The following AUTS2 variants were observed in gnomAD, a reference collection of about 807,000 sequenced individuals.
The protein encoded by AUTS2 is autism susceptibility gene 2 protein.
AUTS2 carries 17 observed loss-of-function variants against 112.4 expected under a neutral mutation model. The observed-to-expected ratio is 0.15, with a 90% CI of 0.10 to 0.23. The LOEUF (loss-of-function observed/expected upper bound fraction) is 0.23, where lower values mean the gene tolerates loss of function less well. Among genes scored for constraint, AUTS2 ranks in the 10% least tolerant of loss-of-function variants. The pLI is 1.00. For synonymous variants in AUTS2, 751 were observed against 702.7 expected (o/e 1.07, Z -1.09); for missense variants, 1,510 against 1,701.6 (o/e 0.89, Z 1.98).
intron 2 of AUTS2, among the ~76,000 whole-genome samples, chr7:69,957,050 CT>C (rs759318185): frequency 1.8e-3 from 244 of 132,308 alleles, no homozygotes; most frequent in Middle Eastern, 7.7e-3. Context: ...TTTGTTCTTT[CT>C]TTTTTTTTTT....
intron 1 of AUTS2, among the ~76,000 whole-genome samples, chr7:69,718,998 C>G (rs751374967): frequency 6.6e-6 from 1 of 152,188 alleles, no homozygotes; most frequent in Non-Finnish European, 1.5e-5. Context: ...TTAGCCAGCC[C>G]GCCCGCAGGG....
At chr7:70,572,904 G>T (rs1204397969) in intron 5 of AUTS2, among the ~76,000 whole-genome samples, 1 of 152,176 alleles carries the variant, frequency 6.6e-6, no homozygotes, top group African/African-American at 2.4e-5. Flanking sequence ...TGAAAAGAAA[G>T]GTTAAAGAGG....
intron 6 of AUTS2, among the ~76,000 whole-genome samples, chr7:70,724,443 CTTTTTT>C (rs71077675): frequency 2.0e-5 from 2 of 101,386 alleles, no homozygotes; most frequent in African/African-American, 6.9e-5. Context: ...TTCATCCTGA[CTTTTTT>C]TTTTTTTTTT....
chr7:69,621,401 ACTTTAT>A (rs1334699752), intron 1 of AUTS2, among the ~76,000 whole-genome samples: 2 of 84,340 alleles, frequency 2.4e-5, no homozygotes, highest in South Asian at 4.1e-4. Flanking sequence ...ACTCGCCTCC[ACTTTAT>A]CTTTGGATGT....
intron 8 of AUTS2, among the ~76,000 whole-genome samples, chr7:70,765,843 G>A (rs565604297): frequency 3.9e-5 from 6 of 152,174 alleles, no homozygotes; most frequent in Non-Finnish European, 5.9e-5. Flanking sequence ...GCTGGAAATC[G>A]GACTTTGGCA....
chr7:70,329,207 T>C (rs1257893909), intron 4 of AUTS2, among the ~76,000 whole-genome samples: 1 of 152,238 alleles, frequency 6.6e-6, no homozygotes, highest in Non-Finnish European at 1.5e-5. Context: ...TGTTTATACC[T>C]TTTGGCTATT....
chr7:70,312,410 C>A (rs1173462002), intron 4 of AUTS2, among the ~76,000 whole-genome samples: 1 of 152,092 alleles, frequency 6.6e-6, no homozygotes, highest in African/African-American at 2.4e-5. Context: ...ACTTTTGCTT[C>A]CATTTTAATA....
chr7:69,885,008 A>G (rs952664271), intron 1 of AUTS2, among the ~76,000 whole-genome samples: 1 of 152,160 alleles, frequency 6.6e-6, no homozygotes, highest in African/African-American at 2.4e-5. Flanking sequence ...TTCTGTCTGG[A>G]TAAATCCTGA....
intron 7 of AUTS2, among the ~76,000 whole-genome samples, chr7:70,763,587 G>A (rs535284147): frequency 4.4e-4 from 67 of 151,918 alleles, no homozygotes; most frequent in Non-Finnish European, 7.1e-4. Context: ...GCACTCGAGA[G>A]TGGAGGCGGA....
chr7:70,491,590 T>A (rs1364902791), intron 5 of AUTS2, among the ~76,000 whole-genome samples: 30 of 28,810 alleles, frequency 1.0e-3, no homozygotes, highest in African/African-American at 2.8e-3. Context: ...GTATATATAT[T>A]GTGTGTGTGT....
intron 5 of AUTS2, among the ~76,000 whole-genome samples, chr7:70,517,578 TGCATATATA>T (rs1799468671): frequency 6.7e-6 from 1 of 148,444 alleles, no homozygotes; most frequent in Non-Finnish European, 1.5e-5. Context: ...ATATACAAAT[TGCATATATA>T]ATATATATTA....
chr7:70,334,877 T>C (rs10229027), intron 4 of AUTS2, among the ~76,000 whole-genome samples: 47,180 of 151,954 alleles, frequency 0.31, 7,919 homozygotes, highest in African/African-American at 0.44. Flanking sequence ...TGTATGGAGA[T>C]AGACCTGCTA....
intron 4 of AUTS2, among the ~76,000 whole-genome samples, chr7:70,153,327 A>G (rs902187872): frequency 1.3e-5 from 2 of 152,232 alleles, no homozygotes; most frequent in Non-Finnish European, 2.9e-5. Context: ...CAAAAAAGGT[A>G]CATATTGTAT....
At chr7:69,718,798 T>G (rs770523172) in intron 1 of AUTS2, among the ~76,000 whole-genome samples, 20 of 152,200 alleles carry the variant, frequency 1.3e-4, no homozygotes, top group Non-Finnish European at 2.6e-4. Context: ...CTTTGCTCTT[T>G]CCCCACTCAA....
At chr7:69,759,916 C>T (rs919468113) in intron 1 of AUTS2, among the ~76,000 whole-genome samples, 2 of 150,908 alleles carry the variant, frequency 1.3e-5, no homozygotes, top group African/African-American at 2.4e-5. Flanking sequence ...TAGAAGATCC[C>T]GTACAAATAG....
At chr7:70,501,931 A>T (rs908499476) in intron 5 of AUTS2, among the ~76,000 whole-genome samples, 2 of 152,130 alleles carry the variant, frequency 1.3e-5, no homozygotes, top group Non-Finnish European at 2.9e-5. Context: ...TGGCCTGAGG[A>T]GCCCTTCACT....
chr7:70,656,409 CT>C (rs200170334), intron 5 of AUTS2, among the ~76,000 whole-genome samples: 6 of 151,152 alleles, frequency 4.0e-5, no homozygotes, highest in South Asian at 2.1e-4. Context: ...CTCTTATTGT[CT>C]TTTTTTTTAA....
At chr7:69,895,214 C>G (rs541474596) in intron 1 of AUTS2, among the ~76,000 whole-genome samples, 5 of 152,140 alleles carry the variant, frequency 3.3e-5, no homozygotes, top group Middle Eastern at 3.4e-3. Context: ...GTCTTTGATT[C>G]TTAATGCTTA....
intron 2 of AUTS2, among the ~76,000 whole-genome samples, chr7:70,088,083 A>G (rs763163196): frequency 2.1e-5 from 3 of 141,640 alleles, no homozygotes; most frequent in Non-Finnish European, 3.1e-5. Flanking sequence ...TGTAAGTTTT[A>G]TCGGTCTTCT....
Sources: gnomAD v4.1 joint callset for allele counts (sites outside exome capture counted in the v4.1 genomes callset) on GRCh38, gnomAD v4.1.1 for gene constraint, MANE v1.5 for transcripts, NCBI Gene and HGNC (gene_info 2026-07-23, HGNC 2026-07-21) for gene names.